The following HERC1 variants were observed in gnomAD, a reference collection of about 807,000 sequenced individuals.
The protein encoded by HERC1 is HECT and RLD domain containing E3 ubiquitin protein ligase family member 1.
In HERC1, 160 loss-of-function variants were observed where a neutral mutation model predicts 554.3. The ratio of observed to expected loss-of-function variants is 0.29; its 90% confidence interval spans 0.25 to 0.33. The LOEUF (loss-of-function observed/expected upper bound fraction) is 0.33. Among genes scored for constraint, HERC1 ranks in the 10% least tolerant of loss-of-function variants. The pLI, the probability that HERC1 is intolerant of heterozygous loss-of-function variation, is 1.00. For synonymous variants in HERC1, 2,175 were observed against 2,131.7 expected (o/e 1.02, Z -0.56); for missense variants, 4,919 against 5,918.5 (o/e 0.83, Z 5.54).
intron 1 of HERC1, among the ~76,000 whole-genome samples, chr15:63,832,220 T>C (rs988440663): frequency 6.6e-6 from 1 of 152,216 alleles, no homozygotes; most frequent in Non-Finnish European, 1.5e-5. Context: ...AATATAGCAA[T>C]ACATCTTAAC....
At chr15:63,650,277 G>C (rs541774667) in intron 53 of HERC1, among the ~76,000 whole-genome samples, 3 of 152,022 alleles carry the variant, frequency 2.0e-5, no homozygotes, top group Non-Finnish European at 4.4e-5. Context: ...ATGGTGGCAC[G>C]CGCCTGTAGT....
chr15:63,734,470 G>C lies in HERC1; in HGVS notation c.2646+254C>G, dbSNP rs759590678. 1.6e-4 allele frequency among the ~76,000 whole-genome samples: 24 copies of C among 152,252 alleles called. No homozygotes were observed. Among genetic ancestry groups the C allele is most frequent in the South Asian group, 8.3e-4 (4 of 4,822 alleles). On this transcript the variant is annotated intron_variant, in intron 13 of 77. Transcript: ENST00000443617. This position sits in a 1 kb window ranked among gnomAD's most constrained non-coding sequence, Gnocchi z 4.6. ...CAGCATACTACAAATAAACCACAGAGTGTCTGGCTTAGTACCATAAGAAAC... is the reference window on the plus strand; with the variant it reads ...CAGCATACTACAAATAAACCACAGACTGTCTGGCTTAGTACCATAAGAAAC...
chr15:63,653,295 T>A (rs190911904), intron 51 of HERC1, among the ~76,000 whole-genome samples: 1 of 152,022 alleles, frequency 6.6e-6, no homozygotes, highest in East Asian at 1.9e-4. Context: ...ACAAAAAAAT[T>A]AGCCGAGTGT....
intron 1 of HERC1, among the ~76,000 whole-genome samples, chr15:63,832,174 G>A (rs1178378875): frequency 1.3e-5 from 2 of 152,112 alleles, no homozygotes; most frequent in African/African-American, 4.8e-5. Context: ...TATTATGACT[G>A]TTCTTTGCCC....
Position 63,638,323 on chromosome 15 carries a change from GACAAGCTTTATCCC to G in HERC1, c.12093+74_12093+87del, listed in dbSNP as rs552973830. 153 of 1,332,858 alleles carry G rather than the reference GACAAGCTTTATCCC, an allele frequency of 1.1e-4. 1 individual carries two copies. In the African/African-American group the frequency reaches 1.5e-3, roughly 13 times the overall value. 82.6% of individuals were successfully genotyped at this position (1,332,858 alleles called of 1,614,324 possible). On this transcript the variant is annotated intron_variant, in intron 63 of 77. Coordinates refer to ENST00000443617, the MANE Select transcript of HERC1 (RefSeq NM_003922.4). The stretch of plus-strand genomic sequence containing the variant: ...ATTCCTCATAATAGATTATGAAATG[GACAAGCTTTATCCC>G]ACAATAAGACAAGCAAAAGAATTAG...
At chr15:63,616,885 A>T (rs1364624015) in intron 74 of HERC1, among the ~76,000 whole-genome samples, 4 of 152,160 alleles carry the variant, frequency 2.6e-5, no homozygotes, top group Admixed American at 6.5e-5. Context: ...CAAAAGCCAC[A>T]TGTGGACCGT....
At position 63,712,764 on chromosome 15, in the gene HERC1, G is replaced by C. The variant is rs780012727; in HGVS notation, c.4584+11C>G. The C allele has an allele frequency of 6.2e-7, 1 of 1,611,682 alleles. No homozygotes were observed. Among genetic ancestry groups the C allele is most frequent in the South Asian group, 1.1e-5 (1 of 90,684 alleles). On this transcript the variant is annotated intron_variant, in intron 24 of 77. Transcript: ENST00000443617. ...CAAAAATCTTTCTTTACTGAATCTGGGTATACCTACCAGTGCGTAACCCTC... is the reference window on the plus strand; with the variant it reads ...CAAAAATCTTTCTTTACTGAATCTGCGTATACCTACCAGTGCGTAACCCTC...
intron 5 of HERC1, among the ~76,000 whole-genome samples, chr15:63,755,876 T>G (rs1596165497): frequency 6.6e-6 from 1 of 152,294 alleles, no homozygotes; most frequent in Non-Finnish European, 1.5e-5. Context: ...ATTATTTGTG[T>G]GGGTCCTTGG....
At chr15:63,715,720 T>G (rs916034487) in intron 22 of HERC1, among the ~76,000 whole-genome samples, 8 of 152,236 alleles carry the variant, frequency 5.3e-5, no homozygotes, top group African/African-American at 1.9e-4. Context: ...TTTAAAAACT[T>G]GATACTTCTC....
In HERC1 at chr15:63,626,018, G is replaced by A. The variant is rs775834711; in HGVS notation, c.13242C>T (p.Ser4414=). 2.5e-6 allele frequency: 4 copies of A among 1,611,876 alleles called. No individual in the cohort carries two copies. Among genetic ancestry groups the A allele is most frequent in the Non-Finnish European group, 3.4e-6 (4 of 1,179,050 alleles). ...LYHFSDLMYS[S]WRLLNLSPNN... ...TGGGGCTAAGGTTCAGCAGTCTCCA[G>A]GATGAGTACATGAGGTCAGAGAAGT... The change falls in exon 71 of 78, where the codon TCC becomes TCT. Residue 4414 remains serine, a synonymous_variant. Coordinates refer to ENST00000443617, the MANE Select transcript of HERC1 (RefSeq NM_003922.4).
At chr15:63,737,444 CTTTTTTCCAGATAT>C (rs2074567195) in intron 12 of HERC1, among the ~76,000 whole-genome samples, 15 of 80,874 alleles carry the variant, frequency 1.9e-4, no homozygotes, top group African/African-American at 7.5e-4. Context: ...ATATATATAT[CTTTTTTCCAGATAT>C]ATATATATAT....
intron 1 of HERC1, among the ~76,000 whole-genome samples, chr15:63,832,413 A>C (rs2078188855): frequency 6.6e-6 from 1 of 152,206 alleles, no homozygotes; most frequent in Non-Finnish European, 1.5e-5. Context: ...CACTAATCAC[A>C]ACAGGCACTA....
intron 1 of HERC1, among the ~76,000 whole-genome samples, chr15:63,802,323 A>ATTT (rs750199439): frequency 3.3e-5 from 5 of 152,264 alleles, no homozygotes; most frequent in Non-Finnish European, 7.3e-5. Context: ...TTAAGAAAGT[A>ATTT]CACTTAGAAA....
intron 36 of HERC1, among the ~76,000 whole-genome samples, 151 bp from the exon 37 acceptor site, chr15:63,678,516 A>G (rs2071315926): frequency 6.6e-6 from 1 of 152,180 alleles, no homozygotes; most frequent in Non-Finnish European, 1.5e-5. Context: ...AGAGTAAGGA[A>G]ATGTCACAGA....
intron 1 of HERC1, among the ~76,000 whole-genome samples, chr15:63,833,611 G>A (rs1359767196): frequency 1.3e-5 from 2 of 151,948 alleles, no homozygotes; most frequent in Non-Finnish European, 2.9e-5. Flanking sequence ...TAGAGCCGGG[G>A]ACCCGGGGGA....
chr15:63,687,084 G>A (rs912631978), intron 33 of HERC1, among the ~76,000 whole-genome samples: 8 of 152,084 alleles, frequency 5.3e-5, no homozygotes, highest in African/African-American at 1.9e-4. Context: ...GTGTCATATT[G>A]TTTGAATTTT....
intron 74 of HERC1, 120 bp downstream of exon 74, chr15:63,622,695 C>T (rs1408984935): frequency 3.1e-6 from 2 of 654,604 alleles, no homozygotes; most frequent in Admixed American, 3.5e-5. Flanking sequence ...ACAATGAGGA[C>T]TGAAGGGGAT....
In HERC1 at chr15:63,637,644, C is replaced by G; in HGVS notation, c.12094-1G>C. 1 of 1,546,366 alleles carries G rather than the reference C, an allele frequency of 6.5e-7. No homozygotes were observed. Among genetic ancestry groups the G allele is most frequent in the Non-Finnish European group, 8.7e-7 (1 of 1,144,860 alleles). On this transcript the variant is annotated splice_acceptor_variant, in intron 63 of 77. Coordinates refer to ENST00000443617, the MANE Select transcript of HERC1 (RefSeq NM_003922.4). LOFTEE classifies it high-confidence loss of function. Reference sequence around the variant, plus strand: ...AGGTACAATTCTGACCACAAATGACCTAGTATAAAAACACAGAATTAAATA... The same window carrying G: ...AGGTACAATTCTGACCACAAATGACGTAGTATAAAAACACAGAATTAAATA...
At position 63,674,919 on chromosome 15, in the gene HERC1, C is replaced by T; in HGVS notation, c.7269G>A (p.Glu2423=). ...RHEKKHRHES[E]EKGDVEQKPE... Reference sequence around the variant, plus strand: ...GTTTCTGCTCAACATCCCCTTTCTCCTCGGATTCATGTCGGTGTTTCTTTT... The same window carrying T: ...GTTTCTGCTCAACATCCCCTTTCTCTTCGGATTCATGTCGGTGTTTCTTTT... The change falls in exon 38 of 78, where the codon GAG becomes GAA. Residue 2423 remains glutamate, a synonymous_variant. Coordinates refer to ENST00000443617, the MANE Select transcript of HERC1 (RefSeq NM_003922.4). 1 of 1,614,034 alleles carries T rather than the reference C, an allele frequency of 6.2e-7. No homozygotes were observed. Among genetic ancestry groups the T allele is most frequent in the Non-Finnish European group, 8.5e-7 (1 of 1,179,890 alleles).
Sources: allele counts gnomAD v4.1 joint callset (sites outside exome capture counted in the v4.1 genomes callset), GRCh38; gene constraint gnomAD v4.1.1; non-coding constraint Gnocchi (gnomAD v3.1); transcripts MANE v1.5; gene names NCBI Gene and HGNC (gene_info 2026-07-23, HGNC 2026-07-21).